The following CSMD1 variants were observed in gnomAD, a reference collection of about 807,000 sequenced individuals.
CSMD1 encodes CUB and Sushi multiple domains 1, also known as CUB and sushi domain-containing protein 1.
In CSMD1, 213 loss-of-function variants were observed where a neutral mutation model predicts 417.5. The ratio of observed to expected loss-of-function variants is 0.51; its 90% confidence interval spans 0.46 to 0.57. The LOEUF is 0.57. Among genes scored for constraint, CSMD1 ranks in the 20% least tolerant of loss-of-function variants. The pLI is 0.00. For missense variants in CSMD1, 6,923 were observed against 4,529.7 expected (o/e 1.53, Z -15.17); for synonymous variants, 2,862 against 1,736.8 (o/e 1.65, Z -16.11).
chr8:4,985,201 G>T (rs1040188296), intron 1 of CSMD1, among the ~76,000 whole-genome samples: 1 of 152,030 alleles, frequency 6.6e-6, no homozygotes, highest in Non-Finnish European at 1.5e-5. Context: ...CACACACCGG[G>T]GCCTGTCAGA....
At chr8:4,791,502 A>C (rs1797687329) in intron 1 of CSMD1, among the ~76,000 whole-genome samples, 1 of 152,218 alleles carries the variant, frequency 6.6e-6, no homozygotes. Flanking sequence ...AAGGAGTAAC[A>C]AACAATCCAA....
chr8:4,396,500 C>T (rs910352618), intron 3 of CSMD1, among the ~76,000 whole-genome samples: 2 of 151,924 alleles, frequency 1.3e-5, no homozygotes, highest in Non-Finnish European at 2.9e-5. Context: ...CTGGATTTAT[C>T]GATTGCCAAA....
At chr8:3,511,319 T>G (rs1359877657) in intron 10 of CSMD1, among the ~76,000 whole-genome samples, 1 of 151,648 alleles carries the variant, frequency 6.6e-6, no homozygotes, top group Non-Finnish European at 1.5e-5. Context: ...CAATGGCATG[T>G]GTATACCTAT....
chr8:3,129,290 A>G (rs1817668072), intron 41 of CSMD1, among the ~76,000 whole-genome samples: 1 of 152,216 alleles, frequency 6.6e-6, no homozygotes, highest in South Asian at 2.1e-4. Flanking sequence ...AATATTAAAT[A>G]TTTTGTGAGT....
chr8:3,818,355 C>G (rs28448492), intron 5 of CSMD1, among the ~76,000 whole-genome samples: 4,157 of 152,242 alleles, frequency 0.027, 191 homozygotes, highest in African/African-American at 0.095. Context: ...AGCTAAACCC[C>G]TTCCTAAGGT....
intron 3 of CSMD1, among the ~76,000 whole-genome samples, chr8:4,149,451 A>G (rs998556850): frequency 8.5e-5 from 13 of 152,208 alleles, no homozygotes; most frequent in African/African-American, 2.9e-4. Flanking sequence ...AAGGGCCAAT[A>G]AAAGGAAATC....
At chr8:4,395,106 G>A (rs1804111386) in intron 3 of CSMD1, among the ~76,000 whole-genome samples, 3 of 152,248 alleles carry the variant, frequency 2.0e-5, no homozygotes, top group East Asian at 3.9e-4. Flanking sequence ...AACCTCCGCT[G>A]GGAGACCCAG....
Position 3,409,430 on chromosome 8 carries a change from G to A in CSMD1, c.1737C>T (p.Ser579=), listed in dbSNP as rs200980155. The A allele has an allele frequency of 3.4e-3, 5,403 of 1,608,936 alleles. 11 individuals are homozygous for A. Among genetic ancestry groups the A allele is most frequent in the Non-Finnish European group, 4.2e-3 (4,983 of 1,177,648 alleles). Residue 579 remains serine (S), a synonymous_variant, in exon 13 of 70, where the codon AGC becomes AGT. Coordinates refer to ENST00000635120, the MANE Select transcript of CSMD1 (RefSeq NM_033225.6). Reference sequence around the variant, plus strand: ...TCAAGGCATAATACTCACATACACAGCTGGGCTTGTTGCCAGACCACTGAT... The same window carrying A: ...TCAAGGCATAATACTCACATACACAACTGGGCTTGTTGCCAGACCACTGAT... ...QNNQWSGNKP[S]CVFSCFFNFT... is the part of the protein sequence containing the mutation.
intron 1 of CSMD1, among the ~76,000 whole-genome samples, chr8:4,691,425 T>C (rs537102916): frequency 6.6e-6 from 1 of 152,330 alleles, no homozygotes; most frequent in South Asian, 2.1e-4. Context: ...TGAGTAATTA[T>C]ATTCATCTTG....
chr8:3,659,846 C>G (rs540389741), intron 7 of CSMD1, among the ~76,000 whole-genome samples: 3 of 152,144 alleles, frequency 2.0e-5, no homozygotes, highest in Non-Finnish European at 4.4e-5. Flanking sequence ...ATAGACTATA[C>G]AATTTCAACT....
chr8:3,020,914 T>C (rs1332707889), intron 51 of CSMD1, among the ~76,000 whole-genome samples: 1 of 152,250 alleles, frequency 6.6e-6, no homozygotes, highest in Admixed American at 6.5e-5. Flanking sequence ...CTACCAAATG[T>C]TAATGAACTC....
chr8:4,336,596 A>T (rs1289577084), intron 3 of CSMD1, among the ~76,000 whole-genome samples: 1 of 152,154 alleles, frequency 6.6e-6, no homozygotes, highest in African/African-American at 2.4e-5. Flanking sequence ...TTTATTTTAC[A>T]CACACAAAGT....
At chr8:3,562,550 T>G (rs1218905012) in intron 10 of CSMD1, among the ~76,000 whole-genome samples, 4 of 152,240 alleles carry the variant, frequency 2.6e-5, no homozygotes, top group South Asian at 4.1e-4. Context: ...AAATCAAAAG[T>G]TCCCCACTTA....
intron 21 of CSMD1, among the ~76,000 whole-genome samples, chr8:3,354,811 C>A (rs7820588): frequency 0.71 from 104,768 of 146,672 alleles, 37,526 homozygotes; most frequent in Admixed American, 0.77. Flanking sequence ...CTCTCTCTCT[C>A]TATATATATC....
At chr8:4,525,098 G>C (rs1353253124) in intron 2 of CSMD1, among the ~76,000 whole-genome samples, 1 of 152,150 alleles carries the variant, frequency 6.6e-6, no homozygotes, top group Non-Finnish European at 1.5e-5. Flanking sequence ...CTTTCTGAAA[G>C]ATGATCCAGA....
At chr8:4,657,367 T>A (rs1804297732) in intron 1 of CSMD1, among the ~76,000 whole-genome samples, 1 of 152,178 alleles carries the variant, frequency 6.6e-6, no homozygotes, top group East Asian at 1.9e-4. Context: ...GTTTTGTATT[T>A]CCTTTCTGCC....
At chr8:4,236,751 G>A (rs1275004660) in intron 3 of CSMD1, among the ~76,000 whole-genome samples, 1 of 152,078 alleles carries the variant, frequency 6.6e-6, no homozygotes, top group East Asian at 1.9e-4. Flanking sequence ...GGATTAAAAT[G>A]GCTTATCTCA....
In CSMD1 at chr8:4,217,495, G is replaced by A. The variant is rs192283111; in HGVS notation, c.416-185396C>T. On this transcript the variant is annotated intron_variant, in intron 3 of 69. Coordinates refer to ENST00000635120, the MANE Select transcript of CSMD1 (RefSeq NM_033225.6). The stretch of plus-strand genomic sequence containing the variant: ...AACACAGGTAAGGGTCACATGACTC[G>A]TCCCTGGCATCAAGGGGAGGGAGAA... 1.8e-3 allele frequency among the ~76,000 whole-genome samples: 281 copies of A among 152,142 alleles called. 1 individual carries two copies. The highest frequency in any genetic ancestry group is 2.8e-3 in the Non-Finnish European group (188 of 67,978).
chr8:4,653,352 G>T (rs1804028351), intron 1 of CSMD1, among the ~76,000 whole-genome samples: 1 of 152,100 alleles, frequency 6.6e-6, no homozygotes, highest in African/African-American at 2.4e-5. Context: ...GTAGGTCATG[G>T]CTATCTTTCC....
Sources: gnomAD v4.1 joint callset for allele counts (sites outside exome capture counted in the v4.1 genomes callset) on GRCh38, gnomAD v4.1.1 for gene constraint, MANE v1.5 for transcripts, NCBI Gene and HGNC (gene_info 2026-07-23, HGNC 2026-07-21) for gene names.